NOX4: variants seen among roughly 807,000 people sequenced by gnomAD.
NOX4 encodes the protein NADPH oxidase 4.
In NOX4, 69 loss-of-function variants were observed where a neutral mutation model predicts 87.6. The ratio of observed to expected loss-of-function variants is 0.79; its 90% CI spans 0.65 to 0.96. NOX4 has a LOEUF of 0.96. Ranked by LOEUF, NOX4 falls within the 40% of genes least tolerant of loss-of-function variation. The pLI is 0.00. For synonymous variants in NOX4, 275 were observed against 238.2 expected (o/e 1.15, Z -1.42); for missense variants, 680 against 681.5 (o/e 1.00, Z 0.02).
chr11:89,399,860 G>A (rs927635509), intron 11 of NOX4, among the ~76,000 whole-genome samples, 157 bp downstream of exon 11: 7 of 151,886 alleles, frequency 4.6e-5, no homozygotes, highest in African/African-American at 1.5e-4. Flanking sequence ...CACAGTTCTT[G>A]AGCAGATAAC....
intron 2 of NOX4, among the ~76,000 whole-genome samples, chr11:89,479,986 C>T (rs927374029): frequency 3.9e-5 from 6 of 152,038 alleles, no homozygotes; most frequent in Admixed American, 3.9e-4. Context: ...TTCAAGTGCC[C>T]CAGTGGGCCC....
At chr11:89,520,307 T>C in the NOX4 span, among the ~76,000 whole-genome samples, 1 of 152,074 alleles carries the variant, frequency 6.6e-6, no homozygotes, top group Non-Finnish European at 1.5e-5. Context: ...TACTAATGAT[T>C]CCCACTAATT....
intron 2 of NOX4, among the ~76,000 whole-genome samples, chr11:89,465,902 A>G (rs1396089525): frequency 2.0e-5 from 3 of 152,124 alleles, no homozygotes; most frequent in African/African-American, 7.2e-5. Context: ...ATAGACTGCA[A>G]AAATTTTCTC....
At chr11:89,462,631 T>A (rs552851648) in intron 2 of NOX4, among the ~76,000 whole-genome samples, 1 of 152,210 alleles carries the variant, frequency 6.6e-6, no homozygotes, top group Admixed American at 6.5e-5. Context: ...AAGAAAAACA[T>A]TGGTTATCAT....
the NOX4 span, among the ~76,000 whole-genome samples, chr11:89,515,314 T>C: frequency 1.4e-4 from 21 of 152,010 alleles, no homozygotes; most frequent in Non-Finnish European, 1.3e-4. Context: ...TAAGTATTTA[T>C]AATGCTGAAC....
chr11:89,518,354 CA>C, the NOX4 span, among the ~76,000 whole-genome samples: 80 of 132,608 alleles, frequency 6.0e-4, no homozygotes, highest in Non-Finnish European at 1.3e-4. Context: ...AAAGTTCTTA[CA>C]ATGACTGCAG....
At chr11:89,428,245 G>A (rs1310265364) in intron 7 of NOX4, among the ~76,000 whole-genome samples, 1 of 152,048 alleles carries the variant, frequency 6.6e-6, no homozygotes, top group Non-Finnish European at 1.5e-5. Flanking sequence ...GGAACAACCG[G>A]TACCAGCCAC....
intron 7 of NOX4, among the ~76,000 whole-genome samples, chr11:89,424,811 G>A (rs1943287687): frequency 6.6e-6 from 1 of 151,934 alleles, no homozygotes. Flanking sequence ...ATCAAACACT[G>A]GGGACTTATT....
intron 2 of NOX4, among the ~76,000 whole-genome samples, chr11:89,483,026 C>CA (rs1946455148): frequency 6.6e-6 from 1 of 152,042 alleles, no homozygotes; most frequent in Non-Finnish European, 1.5e-5. Context: ...GTTACCGAAC[C>CA]ACTCAGAATC....
chr11:89,496,728 C>A (rs1946957321), upstream of NOX4, among the ~76,000 whole-genome samples: 1 of 152,032 alleles, frequency 6.6e-6, no homozygotes, highest in South Asian at 2.1e-4. Context: ...TCATTTTTTA[C>A]AAAATAAATG....
At chr11:89,457,961 T>A (rs1000530399) in intron 2 of NOX4, among the ~76,000 whole-genome samples, 1 of 152,170 alleles carries the variant, frequency 6.6e-6, no homozygotes, top group Admixed American at 6.5e-5. Flanking sequence ...AGAATCATTA[T>A]AGTTAAAATG....
chr11:89,370,335 G>A (rs1939348971), intron 12 of NOX4, among the ~76,000 whole-genome samples: 1 of 151,490 alleles, frequency 6.6e-6, no homozygotes. Flanking sequence ...ACTGCTGAAG[G>A]GATCAATGGC....
At chr11:89,352,460 T>C (rs894516885) in intron 13 of NOX4, among the ~76,000 whole-genome samples, 5 of 152,166 alleles carry the variant, frequency 3.3e-5, no homozygotes, top group African/African-American at 7.2e-5. Flanking sequence ...ATAGCTACCA[T>C]AGACAGTGAT....
intron 2 of NOX4, among the ~76,000 whole-genome samples, chr11:89,453,448 C>T (rs1466926299): frequency 2.0e-5 from 3 of 152,132 alleles, no homozygotes; most frequent in Non-Finnish European, 4.4e-5. Flanking sequence ...AGGATATATC[C>T]ATTCTTTTGA....
chr11:89,400,907 G>T (rs558680712), intron 9 of NOX4, among the ~76,000 whole-genome samples: 2 of 151,316 alleles, frequency 1.3e-5, no homozygotes, highest in Admixed American at 6.6e-5. Context: ...AATATGCTAG[G>T]CATGTTGTTT....
intron 7 of NOX4, among the ~76,000 whole-genome samples, chr11:89,422,719 T>A (rs1026777961): frequency 6.6e-6 from 1 of 152,136 alleles, no homozygotes; most frequent in Non-Finnish European, 1.5e-5. Flanking sequence ...GCAATTGCTT[T>A]ACATTTACTC....
Position 89,380,579 on chromosome 11 carries a change from G to A in NOX4, c.1075-7087C>T, listed in dbSNP as rs919163035. On this transcript the variant is annotated intron_variant, in intron 11 of 17. Transcript: ENST00000263317. ...GGTAAAAACAGGCACCCAAAAATAA[G>A]GATTGAATAAATTAAGCTCAATATT... 1.1e-4 allele frequency among the ~76,000 whole-genome samples: 16 copies of A among 152,112 alleles called. No individual in the cohort carries two copies. In the South Asian group the frequency reaches 2.3e-3, roughly 22 times the overall value.
the NOX4 span, among the ~76,000 whole-genome samples, chr11:89,533,417 A>G: frequency 6.6e-5 from 10 of 152,310 alleles, no homozygotes; most frequent in Non-Finnish European, 1.0e-4. Context: ...TCACAGCAAT[A>G]CAACAGCACA....
chr11:89,418,234 C>T (rs1042538237), intron 8 of NOX4, among the ~76,000 whole-genome samples: 2 of 151,560 alleles, frequency 1.3e-5, no homozygotes, highest in Admixed American at 6.6e-5. Flanking sequence ...ACTCCAAGAA[C>T]ATTTAGTTTG....
Sources: gnomAD v4.1 joint callset for allele counts (sites outside exome capture counted in the v4.1 genomes callset) on GRCh38, gnomAD v4.1.1 for gene constraint, MANE v1.5 for transcripts, NCBI Gene and HGNC (gene_info 2026-07-23, HGNC 2026-07-21) for gene names.